The following IFT88 variants were observed in gnomAD, a reference collection of about 807,000 sequenced individuals.
IFT88 encodes intraflagellar transport 88.
A neutral mutation model predicts 119.5 loss-of-function variants in IFT88; 74 were observed. The ratio of observed to expected loss-of-function variants is 0.62; its 90% CI spans 0.51 to 0.75. The LOEUF (loss-of-function observed/expected upper bound fraction) is 0.75, where lower values mean the gene tolerates loss of function less well. IFT88 is among the 30% of genes least tolerant of loss of function. IFT88 has a pLI of 0.00. For synonymous variants in IFT88, 279 were observed against 316.7 expected, an observed-to-expected ratio of 0.88 and a Z score of 1.26; for missense variants, 961 against 977.7, an observed-to-expected ratio of 0.98 and a Z score of 0.23.
chr13:20,572,705 C>T (rs1428636311), intron 1 of IFT88, among the ~76,000 whole-genome samples: 1 of 152,140 alleles, frequency 6.6e-6, no homozygotes. Flanking sequence ...ACTTGTGCGA[C>T]TCAAACCCCT....
intron 22 of IFT88, among the ~76,000 whole-genome samples, chr13:20,662,982 A>G (rs970130715): frequency 2.0e-5 from 3 of 152,230 alleles, no homozygotes; most frequent in African/African-American, 7.2e-5. Context: ...ATTATTTTGT[A>G]TATATTTGAT....
intron 23 of IFT88, among the ~76,000 whole-genome samples, chr13:20,665,647 A>G (rs750314733): frequency 2.3e-4 from 35 of 152,214 alleles, no homozygotes; most frequent in Admixed American, 3.3e-4. Context: ...CTTTAAGGCC[A>G]TTGATTTCAG....
chr13:20,669,526 C>G (rs1001930970), intron 23 of IFT88, among the ~76,000 whole-genome samples: 1 of 151,426 alleles, frequency 6.6e-6, no homozygotes, highest in Non-Finnish European at 1.5e-5. Context: ...CAGGTTCAAG[C>G]GATTCTTCTG....
chr13:20,574,383 C>A lies in IFT88; in HGVS notation c.-3C>A. On this transcript the variant is annotated 5_prime_UTR_variant, in exon 2 of 26. Coordinates refer to ENST00000351808, the MANE Select transcript of IFT88 (RefSeq NM_006531.5). ...TTACACTGCCAGTTTTTCCTAGGTA[C>A]AAATGATGCAAAATGTGCACCTGGC... is the stretch of plus-strand genomic sequence containing the variant. 6.2e-7 allele frequency: 1 copy of A among 1,603,320 alleles called. No individual in the cohort carries two copies.
chr13:20,670,686 G>T (rs1482271746), intron 23 of IFT88, among the ~76,000 whole-genome samples: 1 of 151,940 alleles, frequency 6.6e-6, no homozygotes, highest in African/African-American at 2.4e-5. Flanking sequence ...TTCACATCAA[G>T]AAAATACTGT....
intron 14 of IFT88, among the ~76,000 whole-genome samples, chr13:20,619,002 G>A (rs562876045): frequency 1.3e-5 from 2 of 151,882 alleles, no homozygotes; most frequent in South Asian, 2.1e-4. Flanking sequence ...GACTACAGGC[G>A]CACATTGCCA....
At chr13:20,580,469 A>G (rs949675585) in intron 2 of IFT88, among the ~76,000 whole-genome samples, 2 of 151,798 alleles carry the variant, frequency 1.3e-5, no homozygotes, top group Non-Finnish European at 2.9e-5. Context: ...GTGAGCCAAG[A>G]TCACGCCATT....
intron 14 of IFT88, among the ~76,000 whole-genome samples, chr13:20,620,791 A>G (rs1416844770): frequency 3.9e-5 from 6 of 152,122 alleles, no homozygotes; most frequent in Non-Finnish European, 8.8e-5. Flanking sequence ...GGCCTCCCAA[A>G]GTGCTGGGAT....
intron 22 of IFT88, among the ~76,000 whole-genome samples, chr13:20,656,895 G>C (rs1052017868): frequency 6.6e-6 from 1 of 152,118 alleles, no homozygotes; most frequent in Admixed American, 6.5e-5. Context: ...GTCTTGCTCT[G>C]TTGCCCAGGC....
intron 16 of IFT88, among the ~76,000 whole-genome samples, chr13:20,633,803 T>C (rs1047131494): frequency 2.0e-5 from 3 of 152,200 alleles, no homozygotes; most frequent in East Asian, 1.9e-4. Flanking sequence ...TTATATGATA[T>C]GTAGTTGAAA....
chr13:20,610,656 C>T (rs2044328660), intron 13 of IFT88, among the ~76,000 whole-genome samples: 1 of 150,056 alleles, frequency 6.7e-6, no homozygotes, highest in Non-Finnish European at 1.5e-5. Flanking sequence ...TAGAAGTACC[C>T]TACTACCAAA....
intron 6 of IFT88, 74 bp from the exon 7 acceptor site, chr13:20,592,261 G>A (rs887329062): frequency 9.2e-7 from 1 of 1,086,216 alleles, no homozygotes; most frequent in Non-Finnish European, 1.4e-6. Context: ...GCTTATGCGA[G>A]GTTTTATATT....
At chr13:20,590,245 A>G (rs970475867) in intron 4 of IFT88, among the ~76,000 whole-genome samples, 17 of 152,188 alleles carry the variant, frequency 1.1e-4, no homozygotes, top group Non-Finnish European at 2.1e-4. Flanking sequence ...TATAAAATGT[A>G]AGAAAAGTGT....
intron 1 of IFT88, among the ~76,000 whole-genome samples, chr13:20,573,912 T>C (rs1465753716): frequency 6.6e-6 from 1 of 152,198 alleles, no homozygotes; most frequent in East Asian, 1.9e-4. Context: ...ATGAGGACAA[T>C]AACTTAATGT....
intron 20 of IFT88, among the ~76,000 whole-genome samples, chr13:20,647,068 G>A (rs550355989): frequency 7.2e-5 from 11 of 152,178 alleles, no homozygotes; most frequent in Admixed American, 4.6e-4. Flanking sequence ...CTGTTTCTCT[G>A]ATCTCTTCAA....
At chr13:20,674,128 C>T (rs988124750) in intron 24 of IFT88, among the ~76,000 whole-genome samples, 1 of 152,196 alleles carries the variant, frequency 6.6e-6, no homozygotes, top group South Asian at 2.1e-4. Flanking sequence ...TCCGCCTTCT[C>T]CAGTTCTCAG....
chr13:20,618,293 A>G (rs1481040157), intron 14 of IFT88, among the ~76,000 whole-genome samples: 2 of 152,150 alleles, frequency 1.3e-5, no homozygotes, highest in East Asian at 1.9e-4. Context: ...AAAAGTGCGG[A>G]TAATCTGGCT....
At chr13:20,592,768 T>G (rs183432062) in intron 7 of IFT88, among the ~76,000 whole-genome samples, 1 of 146,904 alleles carries the variant, frequency 6.8e-6, no homozygotes, top group East Asian at 2.4e-4. Flanking sequence ...CCACACCAGC[T>G]CACATAATTA....
intron 20 of IFT88, among the ~76,000 whole-genome samples, chr13:20,653,607 T>A (rs2052185732): frequency 6.6e-6 from 1 of 152,088 alleles, no homozygotes; most frequent in Admixed American, 6.6e-5. Context: ...ATGCAGTGGG[T>A]TTTAACCAAA....
Sources: gnomAD v4.1 joint callset for allele counts (sites outside exome capture counted in the v4.1 genomes callset) on GRCh38, gnomAD v4.1.1 for gene constraint, MANE v1.5 for transcripts, NCBI Gene and HGNC (gene_info 2026-07-23, HGNC 2026-07-21) for gene names.